Variants in MBP observed in about 807,000 individuals in gnomAD.
MBP encodes Golli-MBP.
Under a neutral mutation model 35.8 loss-of-function variants are expected in MBP, and 16 were observed. That is an observed-to-expected ratio of 0.45 (90% CI 0.30 to 0.68). The LOEUF (loss-of-function observed/expected upper bound fraction) is 0.68. Ranked by LOEUF, MBP falls within the 30% of genes least tolerant of loss-of-function variation. MBP has a pLI of 0.08. For synonymous variants in MBP, 143 were observed against 159.6 expected, an observed-to-expected ratio of 0.90 and a Z score of 0.78; for missense variants, 380 against 404.7, an observed-to-expected ratio of 0.94 and a Z score of 0.52.
At chr18:77,003,952 A>C (rs938239128) in intron 4 of MBP, 1 of 151,110 alleles carries the variant, frequency 6.6e-6, no homozygotes, top group Non-Finnish European at 1.5e-5. Context: ...CCTGCAAACT[A>C]TCTGAAGCTT....
At chr18:77,025,563 G>A (rs1241338413) in intron 3 of MBP, among the ~76,000 whole-genome samples, 4 of 152,132 alleles carry the variant, frequency 2.6e-5, no homozygotes, top group East Asian at 3.9e-4. Context: ...GAAGCTCACC[G>A]TGCAACGGCT....
intron 3 of MBP, among the ~76,000 whole-genome samples, chr18:77,031,146 T>C (rs1054839027): frequency 6.6e-6 from 1 of 152,166 alleles, no homozygotes; most frequent in Non-Finnish European, 1.5e-5. Context: ...GGAAAAACCA[T>C]ATAAAAACTC....
intron 8 of MBP, 79 bp from the exon 9 acceptor site, chr18:76,980,550 G>C (rs1969126743): frequency 1.8e-6 from 2 of 1,124,528 alleles, no homozygotes. Flanking sequence ...CTGTGGTCCC[G>C]GGTGGATGCT....
intron 3 of MBP, among the ~76,000 whole-genome samples, chr18:77,047,823 G>A (rs1973318286): frequency 6.6e-6 from 1 of 152,140 alleles, no homozygotes; most frequent in African/African-American, 2.4e-5. Flanking sequence ...AATTCCAAAT[G>A]CTAGCAAATG....
Position 76,984,796 on chromosome 18 carries a change from C to G in MBP, c.849G>C (p.Thr283=). The G allele has an allele frequency of 6.2e-7, 1 of 1,614,060 alleles. No individual in the cohort carries two copies. The highest frequency in any genetic ancestry group is 8.5e-7 in the Non-Finnish European group (1 of 1,180,032). Reference sequence around the variant, plus strand: ...TTACCAGCTTAAAAATTTTGGAAAGCGTGCCCTGGGCATCGACTCCCTTGA... The same window carrying G: ...TTACCAGCTTAAAAATTTTGGAAAGGGTGCCCTGGGCATCGACTCCCTTGA... The part of the protein sequence containing the change: ...KGFKGVDAQG[T]LSKIFKLGGR... The change falls in exon 8 of 9, where the codon ACG becomes ACC. Residue 283 remains threonine, a synonymous_variant. Transcript: ENST00000355994.
At chr18:77,126,429 T>G (rs1214843101) in intron 1 of MBP, among the ~76,000 whole-genome samples, 6 of 152,210 alleles carry the variant, frequency 3.9e-5, no homozygotes, top group Non-Finnish European at 1.5e-5. Context: ...AAAAATCCTA[T>G]AGCTACATCA....
At chr18:77,091,587 CCACACA>C (rs57618192) in intron 2 of MBP, among the ~76,000 whole-genome samples, 23 of 148,110 alleles carry the variant, frequency 1.6e-4, no homozygotes, top group South Asian at 1.3e-3. Context: ...GCAAGAGAAA[CCACACA>C]CACACACACA....
At chr18:77,028,185 G>A (rs1443393477) in intron 3 of MBP, among the ~76,000 whole-genome samples, 1 of 143,234 alleles carries the variant, frequency 7.0e-6, no homozygotes, top group African/African-American at 2.6e-5. Flanking sequence ...AGGGAGTGGT[G>A]ATGACTCTTA....
chr18:77,054,649 A>G (rs1021571994), intron 3 of MBP, among the ~76,000 whole-genome samples: 3 of 152,226 alleles, frequency 2.0e-5, no homozygotes, highest in Admixed American at 2.0e-4. Context: ...ACAATCAGCC[A>G]TCAGTGCTCT....
intron 3 of MBP, among the ~76,000 whole-genome samples, chr18:77,031,581 G>C (rs1292371134): frequency 6.6e-6 from 1 of 152,236 alleles, no homozygotes; most frequent in South Asian, 2.1e-4. Flanking sequence ...CCAGGGTACT[G>C]TTCTGTAAGT....
chr18:76,986,900 A>G, intron 7 of MBP: 1 of 985,436 alleles, frequency 1.0e-6, no homozygotes, highest in Middle Eastern at 5.2e-4. Flanking sequence ...GGAACCTAGA[A>G]TGTACCAGGA....
intron 3 of MBP, among the ~76,000 whole-genome samples, chr18:77,063,965 G>A (rs35710301): frequency 0.16 from 24,324 of 151,574 alleles, 2,392 homozygotes; most frequent in Non-Finnish European, 0.21. Flanking sequence ...CCATCGTTAC[G>A]AATAATCTCA....
intron 3 of MBP, among the ~76,000 whole-genome samples, chr18:77,033,917 G>A (rs575699214): frequency 1.3e-5 from 2 of 152,078 alleles, no homozygotes; most frequent in East Asian, 1.9e-4. Context: ...AGTGCCTTGA[G>A]TTAGGCACAG....
chr18:77,064,073 G>C (rs149519594), intron 3 of MBP, among the ~76,000 whole-genome samples: 1 of 152,162 alleles, frequency 6.6e-6, no homozygotes, highest in Non-Finnish European at 1.5e-5. Flanking sequence ...TTATTTATGT[G>C]TAAAACCTAA....
Position 77,081,779 on chromosome 18 carries a change from C to G in MBP, c.52-15394G>C, listed in dbSNP as rs371296250. 1.3e-4 allele frequency among the ~76,000 whole-genome samples: 6 copies of G among 47,834 alleles called. No individual in the cohort carries two copies. In the East Asian group the frequency reaches 6.2e-3, roughly 50 times the overall value. 31.4% of individuals were successfully genotyped at this position (47,834 alleles called of 152,430 possible). On this transcript the variant is annotated intron_variant, in intron 2 of 8. Transcript: ENST00000355994. ...ATATATATATATATACACACACACA[C>G]ACACACACACACACGTATATATATA...
At chr18:77,082,595 G>A (rs111598968) in intron 2 of MBP, among the ~76,000 whole-genome samples, 8 of 152,106 alleles carry the variant, frequency 5.3e-5, no homozygotes, top group African/African-American at 1.9e-4. Flanking sequence ...ACACACCAGT[G>A]CGCACCCAAT....
chr18:77,010,099 A>G, intron 4 of MBP: 1 of 604,034 alleles, frequency 1.7e-6, no homozygotes, highest in Admixed American at 2.7e-5. Context: ...GCATGTGCAG[A>G]TGATGGATGA....
At chr18:77,015,855 C>A (rs911294018) in intron 4 of MBP, 2 of 985,322 alleles carry the variant, frequency 2.0e-6, no homozygotes, top group African/African-American at 3.5e-5. Context: ...TATTCAAAAG[C>A]CTTTTACGCT....
At position 77,014,739 on chromosome 18, in the gene MBP, C is replaced by T. The variant is rs148001344; in HGVS notation, c.576+2093G>A. On this transcript the variant is annotated intron_variant, in intron 4 of 8. Coordinates refer to ENST00000355994, the MANE Select transcript of MBP (RefSeq NM_001025101.2). ...AATAGTTGAGTGGAGCAATCACATCCCCACTGCGTGCGCTCCCCCGGGATG... is the reference window on the plus strand; with the variant it reads ...AATAGTTGAGTGGAGCAATCACATCTCCACTGCGTGCGCTCCCCCGGGATG... 385 of 985,338 alleles carry T rather than the reference C, an allele frequency of 3.9e-4. 4 individuals carry two copies. The Admixed American group carries it at 9.9e-3, about 25-fold the overall frequency. 61.0% of individuals were successfully genotyped at this position (985,338 alleles called of 1,614,324 possible).
Sources: gnomAD v4.1 joint callset for allele counts (sites outside exome capture counted in the v4.1 genomes callset) on GRCh38, gnomAD v4.1.1 for gene constraint, MANE v1.5 for transcripts, NCBI Gene and HGNC (gene_info 2026-07-23, HGNC 2026-07-21) for gene names.